ESRRG: variants seen among roughly 807,000 people sequenced by gnomAD.
ESRRG encodes estrogen-related receptor gamma.
ESRRG carries 13 observed loss-of-function variants against 44.0 expected under a neutral mutation model. The observed-to-expected ratio is 0.30, with a 90% confidence interval of 0.19 to 0.47. The LOEUF is 0.47. Ranked by LOEUF, ESRRG falls within the 20% of genes least tolerant of loss-of-function variation. The pLI, the probability that ESRRG is intolerant of heterozygous loss-of-function variation, is 1.00. For synonymous variants in ESRRG, 215 were observed against 214.6 expected, an observed-to-expected ratio of 1.00 and a Z score of -0.02; for missense variants, 395 against 580.6, an observed-to-expected ratio of 0.68 and a Z score of 3.29.
chr1:216,592,782 G>GA (rs1051663151), intron 3 of ESRRG, among the ~76,000 whole-genome samples: 21 of 152,144 alleles, frequency 1.4e-4, no homozygotes, highest in African/African-American at 5.1e-4. Context: ...TTACAGGCGT[G>GA]AGCCACCACA....
At chr1:216,675,123 G>C (rs935512010) in intron 2 of ESRRG, among the ~76,000 whole-genome samples, 1 of 152,048 alleles carries the variant, frequency 6.6e-6, no homozygotes, top group Non-Finnish European at 1.5e-5. Context: ...CACTTTGGGA[G>C]GCTGAGGCGG....
Position 216,568,054 on chromosome 1 carries a change from G to T in ESRRG, c.634C>A (p.Arg212Ser), listed in dbSNP as rs775763985. 1.2e-6 allele frequency: 2 copies of T among 1,613,862 alleles called. No homozygotes were observed. Among genetic ancestry groups the T allele is most frequent in the Non-Finnish European group, 1.7e-6 (2 of 1,179,824 alleles). Residue 212 changes from arginine to serine, a missense_variant, in exon 4 of 7, where the codon CGC (arginine) becomes AGC (serine). Around this residue, in one of 5 missense-constraint regions of ESRRG, gnomAD observed 37 missense variants for 32.9 expected, o/e 1.13. Transcript: ENST00000408911. ...RVRGGRQKYKRRIDAENSPYL... is the reference protein window; with the variant it reads ...RVRGGRQKYKSRIDAENSPYL... ...GGGCTGTTCTCCGCATCTATCCTGC[G>T]CTTGTACTTCTGCCGACCTCCACGT...
At chr1:217,038,298 C>T (rs2083271475) in intron 1 of ESRRG, among the ~76,000 whole-genome samples, 2 of 152,194 alleles carry the variant, frequency 1.3e-5, no homozygotes, top group African/African-American at 4.8e-5. Context: ...TCCATACCTC[C>T]TATGAAATCT....
intron 3 of ESRRG, among the ~76,000 whole-genome samples, chr1:216,582,213 A>G (rs2062915321): frequency 6.6e-6 from 1 of 152,178 alleles, no homozygotes. Context: ...AAGAGTAAAA[A>G]TTTAATCACC....
chr1:216,941,129 T>C (rs2065159668), intron 1 of ESRRG, among the ~76,000 whole-genome samples: 1 of 152,112 alleles, frequency 6.6e-6, no homozygotes, highest in African/African-American at 2.4e-5. Flanking sequence ...ACCCTATTTA[T>C]TTTCTAGGAT....
intron 2 of ESRRG, among the ~76,000 whole-genome samples, chr1:216,758,205 A>G (rs979223731): frequency 5.3e-5 from 8 of 152,102 alleles, no homozygotes; most frequent in African/African-American, 1.7e-4. Flanking sequence ...AAGAGCCTCA[A>G]AATGAAGCAC....
At chr1:216,887,520 C>T (rs1444630487) in intron 2 of ESRRG, among the ~76,000 whole-genome samples, 1 of 152,102 alleles carries the variant, frequency 6.6e-6, no homozygotes, top group East Asian at 1.9e-4. Context: ...ATTGCATGTA[C>T]ATCCTGGCAT....
Position 216,682,998 on chromosome 1 carries a change from C to G in ESRRG, c.57-5507G>C, listed in dbSNP as rs779546222. 2.0e-5 allele frequency among the ~76,000 whole-genome samples: 3 copies of G among 151,964 alleles called. No individual in the cohort carries two copies. In the East Asian group the frequency reaches 5.8e-4, roughly 29 times the overall value. On this transcript the variant is annotated intron_variant, in intron 1 of 6. Transcript: ENST00000408911. ...TGATGCTGAAGAAAGGGAAAGCAAC[C>G]GAATGAAGTGTCATGTCAGAAATCA... is the stretch of plus-strand genomic sequence containing the variant.
chr1:216,888,294 C>T (rs2057315606), intron 2 of ESRRG, among the ~76,000 whole-genome samples: 2 of 152,136 alleles, frequency 1.3e-5, no homozygotes, highest in African/African-American at 4.8e-5. Context: ...TCCTTATTTC[C>T]TATGGCATCA....
intron 1 of ESRRG, among the ~76,000 whole-genome samples, chr1:216,980,143 T>C (rs557084293): frequency 2.7e-4 from 41 of 152,328 alleles, no homozygotes; most frequent in African/African-American, 9.6e-4. Context: ...TAAATCCTAC[T>C]TTTTCTTGTT....
chr1:216,846,785 A>C (rs934900489), intron 2 of ESRRG, among the ~76,000 whole-genome samples: 1 of 152,122 alleles, frequency 6.6e-6, no homozygotes, highest in African/African-American at 2.4e-5. Flanking sequence ...ACATTCCTCA[A>C]AAAGGAGGAA....
At chr1:216,522,590 G>A (rs551820429) in intron 5 of ESRRG, among the ~76,000 whole-genome samples, 6 of 152,192 alleles carry the variant, frequency 3.9e-5, no homozygotes, top group African/African-American at 1.2e-4. Flanking sequence ...TTATAAGATA[G>A]TCATGTTCAT....
chr1:216,610,471 G>C (rs1345649868), intron 3 of ESRRG, among the ~76,000 whole-genome samples: 5 of 152,082 alleles, frequency 3.3e-5, no homozygotes, highest in Admixed American at 6.6e-5. Flanking sequence ...AGCGTGATAA[G>C]ACCATCTTAA....
At chr1:217,051,201 G>GT (rs2085904792) in intron 1 of ESRRG, among the ~76,000 whole-genome samples, 1 of 114,752 alleles carries the variant, frequency 8.7e-6, no homozygotes, top group South Asian at 4.7e-4. Flanking sequence ...TGGATAATGG[G>GT]GGCGGGGGGG....
At chr1:216,897,824 C>T (rs2058596364) in intron 2 of ESRRG, among the ~76,000 whole-genome samples, 1 of 151,926 alleles carries the variant, frequency 6.6e-6, no homozygotes, top group Non-Finnish European at 1.5e-5. Context: ...TGAGCTATCA[C>T]CCCACTATTG....
intron 5 of ESRRG, among the ~76,000 whole-genome samples, chr1:216,523,407 C>T (rs1347929528): frequency 6.6e-6 from 1 of 151,840 alleles, no homozygotes; most frequent in Admixed American, 6.6e-5. Context: ...TTGAAGAAAG[C>T]ATGTTTTGTG....
At chr1:216,674,629 T>TC in intron 2 of ESRRG, among the ~76,000 whole-genome samples, 1 of 150,898 alleles carries the variant, frequency 6.6e-6, no homozygotes, top group East Asian at 2.0e-4. Context: ...TTTTTTTTTT[T>TC]TTTTTGAGAC....
intron 3 of ESRRG, among the ~76,000 whole-genome samples, chr1:216,577,348 A>T (rs1056773473): frequency 6.6e-6 from 1 of 152,084 alleles, no homozygotes; most frequent in Non-Finnish European, 1.5e-5. Flanking sequence ...ACTATATTTT[A>T]TCTTGTTACT....
chr1:216,577,079 G>A (rs1018017573), intron 3 of ESRRG, among the ~76,000 whole-genome samples: 1 of 151,812 alleles, frequency 6.6e-6, no homozygotes, highest in African/African-American at 2.4e-5. Flanking sequence ...CATTAAACAT[G>A]CAATACCTAC....
Sources: gnomAD v4.1 joint callset for allele counts (sites outside exome capture counted in the v4.1 genomes callset) on GRCh38, gnomAD v4.1.1 for gene constraint, gnomAD v4.1.1 regional missense constraint, MANE v1.5 for transcripts, NCBI Gene and HGNC (gene_info 2026-07-23, HGNC 2026-07-21) for gene names.